Variants in CRB1 observed in about 807,000 individuals in gnomAD.
The protein encoded by CRB1 is crumbs cell polarity complex component 1.
CRB1 carries 83 observed loss-of-function variants against 120.0 expected under a neutral mutation model. The ratio of observed to expected loss-of-function variants is 0.69; its 90% CI spans 0.58 to 0.83. The LOEUF (loss-of-function observed/expected upper bound fraction) is 0.83, where lower values mean the gene tolerates loss of function less well. CRB1 is among the 40% of genes least tolerant of loss of function. The pLI is 0.00. For missense variants in CRB1, 1,699 were observed against 1,687.6 expected (o/e 1.01, Z -0.12); for synonymous variants, 625 against 612.5 (o/e 1.02, Z -0.30).
chr1:197,313,933 G>C (rs1021232431), intron 1 of CRB1, among the ~76,000 whole-genome samples: 24 of 152,178 alleles, frequency 1.6e-4, no homozygotes, highest in Admixed American at 2.6e-4. Context: ...GTTAGTATTT[G>C]TAGGTCTGGT....
chr1:197,360,817 C>T (rs552000304), intron 5 of CRB1, among the ~76,000 whole-genome samples: 18 of 152,198 alleles, frequency 1.2e-4, no homozygotes, highest in East Asian at 3.9e-4. Flanking sequence ...GTGTTGAGTA[C>T]GAGTTGTGAG....
At chr1:197,473,503 C>G (rs1241261299) in intron 11 of CRB1, among the ~76,000 whole-genome samples, 1 of 151,936 alleles carries the variant, frequency 6.6e-6, no homozygotes, top group African/African-American at 2.4e-5. Context: ...TTATTTTATT[C>G]TGCAGATATG....
At position 197,442,263 on chromosome 1, in the gene CRB1, GC is replaced by G; in HGVS notation, c.3978del (p.Phe1327LeufsTer14). On this transcript the variant is annotated frameshift_variant, in exon 11 of 12. Coordinates refer to ENST00000367400, the MANE Select transcript of CRB1 (RefSeq NM_201253.3). LOFTEE classifies it low-confidence loss of function (END_TRUNC). ...LNKFQCLCDV[A>X]FAGERCEVDL... Reference sequence around the variant, plus strand: ...CAAATTCCAGTGCCTCTGTGATGTTGCCTTTGCTGGCGAGCGCTGCGAGGTG... The same window carrying G: ...CAAATTCCAGTGCCTCTGTGATGTTGCTTTGCTGGCGAGCGCTGCGAGGTG... 1 of 1,614,152 alleles carries G rather than the reference GC, an allele frequency of 6.2e-7. No homozygotes were observed. Among genetic ancestry groups the G allele is most frequent in the Non-Finnish European group, 8.5e-7 (1 of 1,180,028 alleles).
At chr1:197,232,196 G>T in the CRB1 span, among the ~76,000 whole-genome samples, 1 of 152,150 alleles carries the variant, frequency 6.6e-6, no homozygotes, top group Non-Finnish European at 1.5e-5. Context: ...CCAAGGGAAT[G>T]CAGTTCAGGT....
At chr1:197,248,138 A>G in the CRB1 span, among the ~76,000 whole-genome samples, 1 of 151,982 alleles carries the variant, frequency 6.6e-6, no homozygotes, top group African/African-American at 2.4e-5. Context: ...CCTAAATGTC[A>G]TTATTTTATA....
chr1:197,382,283 C>T (rs1661995603), intron 5 of CRB1, among the ~76,000 whole-genome samples: 1 of 152,100 alleles, frequency 6.6e-6, no homozygotes, highest in Admixed American at 6.5e-5. Flanking sequence ...TAAGTATTTG[C>T]CATCATTAAA....
intron 5 of CRB1, among the ~76,000 whole-genome samples, chr1:197,375,918 C>A (rs530112499): frequency 6.6e-6 from 1 of 152,234 alleles, no homozygotes; most frequent in South Asian, 2.1e-4. Context: ...TTCCCGGTAA[C>A]CTCCCCATTA....
intron 11 of CRB1, among the ~76,000 whole-genome samples, chr1:197,470,997 T>C (rs1466331637): frequency 6.6e-6 from 1 of 152,216 alleles, no homozygotes; most frequent in East Asian, 1.9e-4. Context: ...ATTCCAAACA[T>C]ATATCCTTAT....
intron 5 of CRB1, among the ~76,000 whole-genome samples, chr1:197,392,704 T>A (rs535416499): frequency 6.6e-6 from 1 of 152,268 alleles, no homozygotes; most frequent in Admixed American, 6.5e-5. Flanking sequence ...AGTGAATCAA[T>A]ATGACTACAG....
At chr1:197,354,838 GCCCACCCCCCC>G (rs1660366413) in intron 4 of CRB1, among the ~76,000 whole-genome samples, 1 of 14,964 alleles carries the variant, frequency 6.7e-5, no homozygotes, top group Non-Finnish European at 1.1e-4. Context: ...CCCCCCCCCC[GCCCACCCCCCC>G]CCCCCCGCCC....
chr1:197,372,958 C>T (rs947458616), intron 5 of CRB1, among the ~76,000 whole-genome samples: 1 of 152,058 alleles, frequency 6.6e-6, no homozygotes, highest in Non-Finnish European at 1.5e-5. Flanking sequence ...CTAGACCATA[C>T]AATTGTTTTG....
chr1:197,291,680 C>T (rs909369574), intron 1 of CRB1, among the ~76,000 whole-genome samples: 6 of 151,794 alleles, frequency 4.0e-5, no homozygotes, highest in African/African-American at 1.4e-4. Context: ...CCTTAGCATG[C>T]ATAGTGCTTA....
intron 10 of CRB1, chr1:197,440,072 C>T (rs1391221740): frequency 6.6e-6 from 1 of 152,192 alleles, no homozygotes; most frequent in African/African-American, 2.4e-5. Flanking sequence ...AACTTATTAA[C>T]TGAGATCGTT....
At chr1:197,238,939 G>C in the CRB1 span, among the ~76,000 whole-genome samples, 5 of 152,192 alleles carry the variant, frequency 3.3e-5, no homozygotes, top group South Asian at 1.0e-3. Flanking sequence ...ATATCGACCT[G>C]TGAAAAGTGT....
chr1:197,232,010 G>T, the CRB1 span, among the ~76,000 whole-genome samples: 5 of 152,122 alleles, frequency 3.3e-5, no homozygotes, highest in Non-Finnish European at 7.3e-5. Context: ...GGATTACATA[G>T]GTAGGCCCAA....
the CRB1 span, among the ~76,000 whole-genome samples, chr1:197,262,734 G>T: frequency 1.3e-5 from 2 of 151,980 alleles, no homozygotes; most frequent in African/African-American, 4.8e-5. Flanking sequence ...TTATGTCTAT[G>T]TGTACCCAAT....
At chr1:197,289,457 G>A (rs1458662402) in intron 1 of CRB1, among the ~76,000 whole-genome samples, 3 of 151,540 alleles carry the variant, frequency 2.0e-5, no homozygotes, top group African/African-American at 4.8e-5. Context: ...TGCCTTGGTT[G>A]GGGATTTATA....
chr1:197,285,148 C>A (rs1175813604), intron 1 of CRB1, among the ~76,000 whole-genome samples: 1 of 151,840 alleles, frequency 6.6e-6, no homozygotes, highest in African/African-American at 2.4e-5. Flanking sequence ...TAGGAAGTTA[C>A]CTAGTTGGTA....
rs75307036 is a variant in CRB1 at position 197,410,300 on chromosome 1, C to T, written c.1172-10700C>T. ...GCCTGAGGAAATAGTTAACAAACTTCGCCATCTCCAGTTTTAAACATAGAC... is the reference window on the plus strand; with the variant it reads ...GCCTGAGGAAATAGTTAACAAACTTTGCCATCTCCAGTTTTAAACATAGAC... On this transcript the variant is annotated intron_variant, in intron 5 of 11. Transcript: ENST00000367400. Among the ~76,000 whole-genome samples, 6 of 152,290 alleles carry T rather than the reference C, an allele frequency of 3.9e-5. No individual in the cohort carries two copies. In the East Asian group the frequency reaches 5.8e-4, roughly 15 times the overall value.
Sources: gnomAD v4.1 joint callset for allele counts (sites outside exome capture counted in the v4.1 genomes callset) on GRCh38, gnomAD v4.1.1 for gene constraint, MANE v1.5 for transcripts, NCBI Gene and HGNC (gene_info 2026-07-23, HGNC 2026-07-21) for gene names.